PPFIA2: variants seen among roughly 807,000 people sequenced by gnomAD.
PPFIA2 encodes liprin-alpha-2.
Under a neutral mutation model 175.5 loss-of-function variants are expected in PPFIA2, and 46 were observed. The observed-to-expected ratio is 0.26, with a 90% CI of 0.21 to 0.34. The LOEUF is 0.34. Among genes scored for constraint, PPFIA2 ranks in the 10% least tolerant of loss-of-function variants. The pLI is 1.00. For synonymous variants in PPFIA2, 568 were observed against 511.4 expected (o/e 1.11, Z -1.49); for missense variants, 1,179 against 1,506.1 (o/e 0.78, Z 3.60).
At chr12:81,714,434 T>C (rs1197094121) in intron 3 of PPFIA2, among the ~76,000 whole-genome samples, 2 of 151,088 alleles carry the variant, frequency 1.3e-5, no homozygotes, top group African/African-American at 2.4e-5. Context: ...ATTCAAGTTA[T>C]AAACATTTTA....
chr12:81,437,895 T>C (rs1237867216), intron 7 of PPFIA2, among the ~76,000 whole-genome samples: 1 of 151,836 alleles, frequency 6.6e-6, no homozygotes, highest in Non-Finnish European at 1.5e-5. Flanking sequence ...GAGGTTCTTT[T>C]CTTCTATGAT....
intron 3 of PPFIA2, among the ~76,000 whole-genome samples, chr12:81,692,220 G>A (rs1414696619): frequency 1.3e-5 from 2 of 151,860 alleles, no homozygotes; most frequent in Non-Finnish European, 1.5e-5. Flanking sequence ...CCAACCACTA[G>A]CCAGGAAAGG....
At chr12:81,532,849 T>A (rs2064791052) in intron 4 of PPFIA2, among the ~76,000 whole-genome samples, 1 of 151,808 alleles carries the variant, frequency 6.6e-6, no homozygotes, top group Non-Finnish European at 1.5e-5. Flanking sequence ...AAAATGTTTT[T>A]AAAATTATTA....
intron 28 of PPFIA2, among the ~76,000 whole-genome samples, chr12:81,275,779 C>CTT (rs753332133): frequency 7.8e-5 from 11 of 141,318 alleles, no homozygotes; most frequent in African/African-American, 1.8e-4. Context: ...ATATTTTCTT[C>CTT]TTTTTTTTTT....
At chr12:81,306,966 T>C (rs890324573) in intron 22 of PPFIA2, among the ~76,000 whole-genome samples, 6 of 152,210 alleles carry the variant, frequency 3.9e-5, no homozygotes, top group Admixed American at 3.3e-4. Flanking sequence ...GATTTAATTA[T>C]CTAATTACCT....
chr12:81,692,109 G>GACACACACAC (rs71098161), intron 3 of PPFIA2, among the ~76,000 whole-genome samples: 21,437 of 149,278 alleles, frequency 0.14, 1,778 homozygotes, highest in Middle Eastern at 0.21. Context: ...CACAAACACA[G>GACACACACAC]ACACACACAC....
rs1255572162 is a variant in PPFIA2, at chr12:81,284,184, A to G, written c.2988+57T>C. The G allele has an allele frequency of 6.0e-6, 8 of 1,335,544 alleles. 1 individual carries two copies. The highest frequency in any genetic ancestry group is 4.3e-5 in the African/African-American group (3 of 69,010). The allele number at this position is 1,335,544 out of a possible 1,614,324, so 82.7% of individuals were successfully genotyped here. ...CTATTGTAAACAGATTAGTTTCCTCATCCAAAGAGCAGCAAAGTCACTTTC... is the reference window on the plus strand; with the variant it reads ...CTATTGTAAACAGATTAGTTTCCTCGTCCAAAGAGCAGCAAAGTCACTTTC... On this transcript the variant is annotated intron_variant, in intron 25 of 32. Transcript: ENST00000549396.
chr12:81,727,660 G>A (rs1025383630), intron 3 of PPFIA2, among the ~76,000 whole-genome samples: 2 of 151,080 alleles, frequency 1.3e-5, no homozygotes, highest in Admixed American at 1.3e-4. Flanking sequence ...GAGAGGCTGT[G>A]GTTTATAAAA....
At chr12:81,562,477 A>G (rs975559610) in intron 4 of PPFIA2, among the ~76,000 whole-genome samples, 2 of 152,210 alleles carry the variant, frequency 1.3e-5, no homozygotes, top group Non-Finnish European at 2.9e-5. Context: ...TTGAAAACTT[A>G]TATAGTTAGA....
intron 4 of PPFIA2, among the ~76,000 whole-genome samples, chr12:81,531,999 A>G (rs538990305): frequency 6.6e-5 from 10 of 151,984 alleles, no homozygotes; most frequent in Middle Eastern, 3.4e-3. Context: ...GAGCTGCTCA[A>G]TTCCTAAAAG....
intron 4 of PPFIA2, among the ~76,000 whole-genome samples, chr12:81,567,194 C>G (rs904080243): frequency 2.0e-5 from 3 of 152,078 alleles, no homozygotes; most frequent in Non-Finnish European, 2.9e-5. Flanking sequence ...ACCACAGGCA[C>G]CCACCACCAT....
At chr12:81,396,906 T>G (rs2041231727) in intron 8 of PPFIA2, among the ~76,000 whole-genome samples, 1 of 151,936 alleles carries the variant, frequency 6.6e-6, no homozygotes, top group Non-Finnish European at 1.5e-5. Context: ...TAAATCAAAT[T>G]TCTTTATAGT....
chr12:81,359,242 T>C (rs1367183850), intron 15 of PPFIA2, among the ~76,000 whole-genome samples: 1 of 151,976 alleles, frequency 6.6e-6, no homozygotes, highest in Non-Finnish European at 1.5e-5. Flanking sequence ...TCCAAATATC[T>C]GGTAACATTA....
At chr12:81,711,335 T>G (rs924804226) in intron 3 of PPFIA2, among the ~76,000 whole-genome samples, 3 of 151,460 alleles carry the variant, frequency 2.0e-5, no homozygotes, top group Non-Finnish European at 4.4e-5. Context: ...TTGATCATTA[T>G]AAACACACAC....
chr12:81,536,692 CTA>C (rs969411612), intron 4 of PPFIA2, among the ~76,000 whole-genome samples: 7 of 135,788 alleles, frequency 5.2e-5, no homozygotes, highest in Non-Finnish European at 7.9e-5. Flanking sequence ...TATATACATG[CTA>C]TATATATATA....
intron 17 of PPFIA2, among the ~76,000 whole-genome samples, chr12:81,352,564 C>G (rs2060206582): frequency 6.6e-6 from 1 of 151,706 alleles, no homozygotes. Context: ...ACCTTCCAGC[C>G]TCTAAAACTG....
In PPFIA2 at chr12:81,341,081, C is replaced by T. The variant is rs957723794; in HGVS notation, c.2390G>A (p.Arg797Gln). 6 of 1,609,336 alleles carry T rather than the reference C, an allele frequency of 3.7e-6. No individual in the cohort carries two copies. The highest frequency in any genetic ancestry group is 4.5e-5 in the East Asian group (2 of 44,798). The change falls in exon 20 of 33, where the codon CGA (arginine) becomes CAA (glutamine). Residue 797 changes from arginine to glutamine, a missense_variant. Arg to Gln is a conservative substitution (Grantham distance 43). Coordinates refer to ENST00000549396, the MANE Select transcript of PPFIA2 (RefSeq NM_003625.5). Reference sequence around the variant, plus strand: ...CAGTGTGCCTGCAGAGTCTTACCTTCGAGCATCATTGTGGTAGGAAGAAGG... The same window carrying T: ...CAGTGTGCCTGCAGAGTCTTACCTTTGAGCATCATTGTGGTAGGAAGAAGG... ...TLPSSYHNDA[R>Q]SSLSVSLEPE...
chr12:81,730,432 A>C (rs547193130), intron 3 of PPFIA2, among the ~76,000 whole-genome samples: 1 of 151,714 alleles, frequency 6.6e-6, no homozygotes, highest in East Asian at 1.9e-4. Flanking sequence ...TAACTTCTTC[A>C]CAGGTGGCAG....
Position 81,505,271 on chromosome 12 carries a change from TA to T in PPFIA2, c.304-47406del, listed in dbSNP as rs575686286. On this transcript the variant is annotated intron_variant, in intron 4 of 32. Coordinates refer to ENST00000549396, the MANE Select transcript of PPFIA2 (RefSeq NM_003625.5). ...TGTATCCCAGAACTTAAAGTATAATTAAAAAAAAAAAAAAGAAAGAAAAGGG... is the reference window on the plus strand; with the variant it reads ...TGTATCCCAGAACTTAAAGTATAATTAAAAAAAAAAAAAGAAAGAAAAGGG... 3.8e-3 allele frequency among the ~76,000 whole-genome samples: 479 copies of T among 127,136 alleles called. 1 individual carries two copies. Among genetic ancestry groups the T allele is most frequent in the Non-Finnish European group, 3.6e-3 (213 of 58,756 alleles). 83.4% of individuals were successfully genotyped at this position (127,136 alleles called of 152,430 possible).
Sources: allele counts gnomAD v4.1 joint callset (sites outside exome capture counted in the v4.1 genomes callset), GRCh38; gene constraint gnomAD v4.1.1; transcripts MANE v1.5; gene names NCBI Gene and HGNC (gene_info 2026-07-23, HGNC 2026-07-21).